SLA: variants seen among roughly 807,000 people sequenced by gnomAD.
SLA encodes Src like adaptor.
A neutral mutation model predicts 30.3 loss-of-function variants in SLA; 16 were observed. The observed-to-expected ratio is 0.53, with a 90% CI of 0.36 to 0.80. The LOEUF (loss-of-function observed/expected upper bound fraction) is 0.80. SLA is among the 30% of genes least tolerant of loss of function. The pLI, the probability that SLA is intolerant of heterozygous loss-of-function variation, is 0.01. For synonymous variants in SLA, 143 were observed against 137.8 expected (o/e 1.04, Z -0.26); for missense variants, 310 against 345.2 (o/e 0.90, Z 0.81).
At chr8:133,092,999 G>A (rs1013387971) in intron 1 of SLA, among the ~76,000 whole-genome samples, 5 of 152,104 alleles carry the variant, frequency 3.3e-5, no homozygotes, top group Non-Finnish European at 7.3e-5. Flanking sequence ...TATTGAAACC[G>A]TCAGTGGGGG....
chr8:133,100,041 A>G (rs1048930843), intron 1 of SLA, among the ~76,000 whole-genome samples: 1 of 152,178 alleles, frequency 6.6e-6, no homozygotes, highest in Non-Finnish European at 1.5e-5. Flanking sequence ...CCAGTCTTCT[A>G]TGAACTGCCA....
intron 3 of SLA, among the ~76,000 whole-genome samples, 200 bp downstream of exon 3, chr8:133,059,900 G>T (rs564014127): frequency 2.3e-4 from 35 of 152,316 alleles, no homozygotes; most frequent in Admixed American, 6.5e-4. Flanking sequence ...ACACCCTTCA[G>T]GTGCGCCGAG....
At chr8:133,042,676 G>GTTTT (rs1838483510) in intron 7 of SLA, among the ~76,000 whole-genome samples, 8 of 55,568 alleles carry the variant, frequency 1.4e-4, no homozygotes, top group Non-Finnish European at 2.0e-4. Flanking sequence ...CTCATTCTGT[G>GTTTT]TCTTTTTTTT....
chr8:133,062,058 G>A (rs185844579), intron 2 of SLA, among the ~76,000 whole-genome samples: 1 of 152,318 alleles, frequency 6.6e-6, no homozygotes, highest in Admixed American at 6.5e-5. Context: ...TAAACTCATA[G>A]TGCACCACAG....
intron 2 of SLA, among the ~76,000 whole-genome samples, chr8:133,067,362 C>G (rs1426738255): frequency 3.3e-5 from 5 of 152,156 alleles, no homozygotes; most frequent in Non-Finnish European, 7.4e-5. Flanking sequence ...ACCAGGGGCT[C>G]TAGGGGCACT....
chr8:133,081,446 A>G (rs1006230297), intron 1 of SLA, among the ~76,000 whole-genome samples: 2 of 152,188 alleles, frequency 1.3e-5, no homozygotes, highest in Admixed American at 6.5e-5. Flanking sequence ...ATAAAAGTTT[A>G]TGTTTCTGGA....
chr8:133,062,472 C>G (rs1381239989), intron 2 of SLA, among the ~76,000 whole-genome samples: 1 of 152,274 alleles, frequency 6.6e-6, no homozygotes, highest in Non-Finnish European at 1.5e-5. Flanking sequence ...CTGGGCATCT[C>G]CCCGGTGCCG....
chr8:133,051,719 C>G (rs1242055883), intron 3 of SLA, among the ~76,000 whole-genome samples: 1 of 152,152 alleles, frequency 6.6e-6, no homozygotes, highest in African/African-American at 2.4e-5. Context: ...CTGCTTCTAT[C>G]CTTAGTGATT....
At chr8:133,085,295 C>G (rs1169040479) in intron 1 of SLA, among the ~76,000 whole-genome samples, 1 of 152,120 alleles carries the variant, frequency 6.6e-6, no homozygotes, top group Non-Finnish European at 1.5e-5. Context: ...TTGCACTAGG[C>G]AAGCATTTCT....
At chr8:133,040,473 T>C in intron 7 of SLA, 1 of 270,932 alleles carries the variant, frequency 3.7e-6, no homozygotes, top group South Asian at 5.0e-5. Flanking sequence ...AACTGCAGAA[T>C]GAAAGAAATG....
intron 5 of SLA, chr8:133,049,394 C>T: frequency 9.9e-6 from 3 of 304,062 alleles, no homozygotes; most frequent in South Asian, 5.8e-5. Context: ...AAGAACTACA[C>T]ATGTATCATT....
chr8:133,070,336 G>A (rs1285915618), intron 2 of SLA, among the ~76,000 whole-genome samples: 1 of 148,206 alleles, frequency 6.7e-6, no homozygotes, highest in Non-Finnish European at 1.5e-5. Context: ...CTCCCAACAA[G>A]CATCTGTTTT....
chr8:133,038,918 C>G (rs1837604989), intron 8 of SLA, among the ~76,000 whole-genome samples, 181 bp from the exon 9 acceptor site: 2 of 152,176 alleles, frequency 1.3e-5, no homozygotes. Flanking sequence ...CGCTCTGTTG[C>G]CCAGGCTGGA....
intron 3 of SLA, among the ~76,000 whole-genome samples, chr8:133,052,332 G>A (rs944990657): frequency 6.6e-6 from 1 of 152,216 alleles, no homozygotes; most frequent in African/African-American, 2.4e-5. Flanking sequence ...GTTCATTTGG[G>A]GAAGCTGAGT....
intron 3 of SLA, among the ~76,000 whole-genome samples, chr8:133,057,762 CAAAACAAAAAACAAAAAAAAA>C (rs1268967651): frequency 3.5e-5 from 4 of 114,834 alleles, no homozygotes; most frequent in Non-Finnish European, 7.4e-5. Flanking sequence ...CTTAGTTTAG[CAAAACAAAAAACAAAAAAAAA>C]AAAACAAAAA....
intron 1 of SLA, among the ~76,000 whole-genome samples, chr8:133,094,234 G>GTCGTTT (rs1393132820): frequency 7.2e-6 from 1 of 139,760 alleles, no homozygotes; most frequent in East Asian, 2.0e-4. Context: ...GAAGAAACCT[G>GTCGTTT]TCGTTTTCTT....
At chr8:133,077,998 G>T (rs546873791) in intron 1 of SLA, among the ~76,000 whole-genome samples, 25 of 152,348 alleles carry the variant, frequency 1.6e-4, no homozygotes, top group African/African-American at 6.0e-4. Context: ...TGTGAAGGTT[G>T]TTCTTTCTTG....
At chr8:133,045,644 C>T (rs1310201336) in intron 6 of SLA, among the ~76,000 whole-genome samples, 1 of 152,146 alleles carries the variant, frequency 6.6e-6, no homozygotes, top group Non-Finnish European at 1.5e-5. Context: ...ATCCGCCCAC[C>T]TCGGCCTCCC....
intron 1 of SLA, among the ~76,000 whole-genome samples, chr8:133,078,368 A>C (rs890812226): frequency 6.6e-6 from 1 of 152,282 alleles, no homozygotes; most frequent in African/African-American, 2.4e-5. Flanking sequence ...TGGACTTCTC[A>C]CAACAGAGGC....
Sources: allele counts gnomAD v4.1 joint callset (sites outside exome capture counted in the v4.1 genomes callset), GRCh38; gene constraint gnomAD v4.1.1; transcripts MANE v1.5; gene names NCBI Gene and HGNC (gene_info 2026-07-23, HGNC 2026-07-21).